CHRNB4: variants seen among roughly 807,000 people sequenced by gnomAD.
CHRNB4 encodes neuronal acetylcholine receptor subunit beta-4.
In CHRNB4, 23 loss-of-function variants were observed where a neutral mutation model predicts 40.4. The ratio of observed to expected loss-of-function variants is 0.57; its 90% confidence interval spans 0.41 to 0.81. CHRNB4 has a LOEUF of 0.81. CHRNB4 is among the 30% of genes least tolerant of loss of function. CHRNB4 has a pLI of 0.00. For synonymous variants in CHRNB4, 285 were observed against 274.4 expected (o/e 1.04, Z -0.38); for missense variants, 568 against 670.6 (o/e 0.85, Z 1.69).
rs755351131 is a variant in CHRNB4 at position 78,629,334 on chromosome 15, G to A, written c.971C>T (p.Pro324Leu). 6 of 1,614,076 alleles carry A rather than the reference G, an allele frequency of 3.7e-6. No homozygotes were observed. In the Admixed American group the frequency reaches 1.0e-4, roughly 27 times the overall value. ...VCVLNVHHRS[P>L]STHTMAPWVK... ...CCAGGGTGCCATGGTGTGGGTGCTG[G>A]GCGAGCGGTGGTGCACATTGAGCAC... is the stretch of plus-strand genomic sequence containing the variant. Residue 324 changes from proline to leucine, a missense_variant, in exon 5 of 6, where the codon CCC (proline) becomes CTC (leucine). This residue lies in a region of CHRNB4 where 242 missense variants were observed against 274.9 expected (regional missense o/e 0.88). Transcript: ENST00000261751. The surrounding 1 kb of genome is among the most constrained non-coding windows in gnomAD (Gnocchi z 6.8).
At chr15:78,647,859 C>G (rs1451787105) in intron 7 of CHRNB4, among the ~76,000 whole-genome samples, 3 of 32,804 alleles carry the variant, frequency 9.1e-5, no homozygotes, top group African/African-American at 1.2e-4. Context: ...GAGACTCCAT[C>G]TCAAAAAAAA....
At chr15:78,637,369 C>A (rs2053974406) in intron 1 of CHRNB4, among the ~76,000 whole-genome samples, 1 of 152,052 alleles carries the variant, frequency 6.6e-6, no homozygotes, top group East Asian at 1.9e-4. Context: ...AAAAGGGAGA[C>A]TCAGAGGAGA....
At chr15:78,638,181 G>A (rs771339782) in intron 1 of CHRNB4, among the ~76,000 whole-genome samples, 6 of 152,204 alleles carry the variant, frequency 3.9e-5, no homozygotes, top group Non-Finnish European at 5.9e-5. Context: ...GCTCCCAAGC[G>A]CAGGGCTGCT....
rs755812541 is a variant in CHRNB4 at position 78,629,522 on chromosome 15, G to A, written c.783C>T (p.Gly261=). Reference sequence around the variant, plus strand: ...CTGAGATGCACAGTGTCATCTTCTCGCCGCAGTCGGATGGCAGGTAGAAGA... The same window carrying A: ...CTGAGATGCACAGTGTCATCTTCTCACCGCAGTCGGATGGCAGGTAGAAGA... ...ILVFYLPSDC[G]EKMTLCISVL... The change falls in exon 5 of 6, where the codon GGC becomes GGT. Residue 261 remains glycine (G), a synonymous_variant. Coordinates refer to ENST00000261751, the MANE Select transcript of CHRNB4 (RefSeq NM_000750.5). The surrounding 1 kb of genome is among the most constrained non-coding windows in gnomAD (Gnocchi z 6.8). 1.2e-5 allele frequency: 20 copies of A among 1,614,170 alleles called. No homozygotes were observed. The highest frequency in any genetic ancestry group is 1.2e-4 in the South Asian group (11 of 91,080).
chr15:78,640,997 C>A, intron 1 of CHRNB4, 82 bp downstream of exon 1: 1 of 1,442,360 alleles, frequency 6.9e-7, no homozygotes, highest in Non-Finnish European at 9.4e-7. Context: ...AGGGCACCCT[C>A]CCTTCCCTCC....
Position 78,635,487 on chromosome 15 carries a change from C to T in CHRNB4, c.156G>A (p.Gln52=), listed in dbSNP as rs1327251352. 1 of 1,614,192 alleles carries T rather than the reference C, an allele frequency of 6.2e-7. No individual in the cohort carries two copies. Among genetic ancestry groups the T allele is most frequent in the Non-Finnish European group, 8.5e-7 (1 of 1,180,028 alleles). The stretch of plus-strand genomic sequence containing the variant: ...AGAGCTGCAGCTTGATGGAGATGAG[C>T]TGTGAGGAGCTGGTGGCTGGGCGGA... ...NLIRPATSSS[Q]LISIKLQLSL... Residue 52 remains glutamine, a synonymous_variant, in exon 2 of 6, where the codon CAG becomes CAA. Coordinates refer to ENST00000261751, the MANE Select transcript of CHRNB4 (RefSeq NM_000750.5).
chr15:78,635,372 C>G (rs778535489), intron 2 of CHRNB4, 67 bp downstream of exon 2: 115 of 1,572,572 alleles, frequency 7.3e-5, no homozygotes, highest in Non-Finnish European at 9.8e-5. Flanking sequence ...GACCAATGAT[C>G]GCCTGGGGCT....
At chr15:78,658,841 T>C (rs2054232808) in intron 1 of CHRNB4, among the ~76,000 whole-genome samples, 1 of 152,204 alleles carries the variant, frequency 6.6e-6, no homozygotes, top group South Asian at 2.1e-4. Context: ...CCCCCAGAAA[T>C]TCTAATTCAT....
chr15:78,634,435 G>A (rs991523491), intron 2 of CHRNB4, among the ~76,000 whole-genome samples: 5 of 152,232 alleles, frequency 3.3e-5, no homozygotes, highest in Admixed American at 1.3e-4. Flanking sequence ...GTCCGACTAC[G>A]GAGGGAGAGG....
At position 78,631,336 on chromosome 15, in the gene CHRNB4, G is replaced by C. The variant is rs1184281543; in HGVS notation, c.205-4C>G. The C allele has an allele frequency of 6.2e-7, 1 of 1,613,434 alleles. No homozygotes were observed. Among genetic ancestry groups the C allele is most frequent in the Non-Finnish European group, 8.5e-7 (1 of 1,179,936 alleles). ...TCATGATCTGCTCTCGCTCATTCTG[G>C]GGAGGGAAACGGGGCTATCAGTTCA... On this transcript the variant is annotated splice_polypyrimidine_tract_variant and splice_region_variant and intron_variant, in intron 2 of 5. Coordinates refer to ENST00000261751, the MANE Select transcript of CHRNB4 (RefSeq NM_000750.5).
chr15:78,651,737 A>C (rs1208499246), intron 6 of CHRNB4, among the ~76,000 whole-genome samples: 1 of 152,164 alleles, frequency 6.6e-6, no homozygotes, highest in African/African-American at 2.4e-5. Context: ...GGAGGGTGTA[A>C]GCGGCAAGTG....
In CHRNB4 at chr15:78,628,966, C is replaced by T. The variant is rs1203777395; in HGVS notation, c.1338+1G>A. ...TGGGCAGGGGCTGGTTAGCAACTTACACTCTGGTCTTCATCGTCATTCTTC... is the reference window on the plus strand; with the variant it reads ...TGGGCAGGGGCTGGTTAGCAACTTATACTCTGGTCTTCATCGTCATTCTTC... On this transcript the variant is annotated splice_donor_variant, in intron 5 of 5. Coordinates refer to ENST00000261751, the MANE Select transcript of CHRNB4 (RefSeq NM_000750.5). LOFTEE classifies it high-confidence loss of function. The T allele has an allele frequency of 6.2e-7, 1 of 1,608,680 alleles. No individual in the cohort carries two copies. The highest frequency in any genetic ancestry group is 1.7e-5 in the Admixed American group (1 of 59,852).
chr15:78,647,902 T>C (rs558085269), intron 7 of CHRNB4, among the ~76,000 whole-genome samples: 5 of 143,006 alleles, frequency 3.5e-5, no homozygotes, highest in Middle Eastern at 3.6e-3. Flanking sequence ...CTATTCACAA[T>C]GGCAACAAAA....
intron 1 of CHRNB4, chr15:78,658,506 G>A (rs574124111): frequency 1.3e-4 from 20 of 152,222 alleles, no homozygotes; most frequent in African/African-American, 4.1e-4. Context: ...AGCAACAACC[G>A]GGGGACAAAC....
intron 6 of CHRNB4, among the ~76,000 whole-genome samples, chr15:78,650,958 A>G (rs967868623): frequency 6.6e-6 from 1 of 152,158 alleles, no homozygotes; most frequent in Non-Finnish European, 1.5e-5. Context: ...ATAGGGCGTA[A>G]GTGCAGAAAA....
At chr15:78,661,553 G>A (rs2054253409), upstream of CHRNB4, 2 of 537,784 alleles carry the variant, frequency 3.7e-6, no homozygotes, top group Admixed American at 2.0e-5. Flanking sequence ...CCCGGCTCTT[G>A]GGCTCCTTGC....
At chr15:78,639,358 T>C (rs1250916820) in intron 1 of CHRNB4, among the ~76,000 whole-genome samples, 2 of 152,172 alleles carry the variant, frequency 1.3e-5, no homozygotes, top group African/African-American at 4.8e-5. Context: ...TGCAGTGGCA[T>C]GATCTCAGCT....
exon 3 of CHRNB4, chr15:78,657,377 A>C (rs117598573): frequency 0.017 from 2,513 of 152,276 alleles, 47 homozygotes; most frequent in Admixed American, 0.063. Flanking sequence ...CACCAGCTGC[A>C]CAACACCTAA....
chr15:78,635,732 T>G lies in CHRNB4; in HGVS notation c.56-145A>C, dbSNP rs1160624222. Reference sequence around the variant, plus strand: ...AAGGTGCTGGCAGGCCTGTCTCTCCTTGAGGACTTCAAATTAAATACACTC... The same window carrying G: ...AAGGTGCTGGCAGGCCTGTCTCTCCGTGAGGACTTCAAATTAAATACACTC... On this transcript the variant is annotated intron_variant, in intron 1 of 5. Coordinates refer to ENST00000261751, the MANE Select transcript of CHRNB4 (RefSeq NM_000750.5). 21 of 1,016,474 alleles carry G rather than the reference T, an allele frequency of 2.1e-5. No individual in the cohort carries two copies. In the Middle Eastern group the frequency reaches 6.4e-4, roughly 31 times the overall value. The allele number at this position is 1,016,474 out of a possible 1,614,324, so 63.0% of individuals were successfully genotyped here. A position where few individuals can be genotyped will look rare whatever the true frequency, so the allele number is the denominator to read the frequency against.
Sources: gnomAD v4.1 joint callset for allele counts (sites outside exome capture counted in the v4.1 genomes callset) on GRCh38, gnomAD v4.1.1 for gene constraint, gnomAD v4.1.1 regional missense constraint, Gnocchi (gnomAD v3.1) non-coding constraint, MANE v1.5 for transcripts, NCBI Gene and HGNC (gene_info 2026-07-23, HGNC 2026-07-21) for gene names.